GRIK1: variants seen among roughly 807,000 people sequenced by gnomAD.
GRIK1 encodes glutamate ionotropic receptor kainate type subunit 1.
GRIK1 carries 69 observed loss-of-function variants against 105.7 expected under a neutral mutation model. The observed-to-expected ratio is 0.65, with a 90% CI of 0.54 to 0.80. The LOEUF (loss-of-function observed/expected upper bound fraction) is 0.80. GRIK1 is among the 30% of genes least tolerant of loss of function. GRIK1 has a pLI of 0.00. For missense variants in GRIK1, 1,109 were observed against 1,167.3 expected (o/e 0.95, Z 0.73); for synonymous variants, 438 against 431.3 (o/e 1.02, Z -0.19).
intron 1 of GRIK1, among the ~76,000 whole-genome samples, chr21:29,900,077 C>A: frequency 1.1e-5 from 1 of 91,582 alleles, no homozygotes; most frequent in Non-Finnish European, 2.1e-5. Flanking sequence ...TTATGAGACT[C>A]TGTCTCAAAA....
At chr21:29,872,189 CTTCT>C (rs2069038479) in intron 1 of GRIK1, among the ~76,000 whole-genome samples, 1 of 136,868 alleles carries the variant, frequency 7.3e-6, no homozygotes, top group Non-Finnish European at 1.6e-5. Context: ...CACGCTCTCA[CTTCT>C]TTTTTTTTTT....
At chr21:29,853,701 G>A (rs935749737) in intron 1 of GRIK1, among the ~76,000 whole-genome samples, 4 of 152,150 alleles carry the variant, frequency 2.6e-5, no homozygotes, top group Admixed American at 2.0e-4. Flanking sequence ...CTCTTCAGGA[G>A]CATTCACCAA....
chr21:29,567,590 T>C (rs1601137924), intron 14 of GRIK1, among the ~76,000 whole-genome samples: 1 of 152,276 alleles, frequency 6.6e-6, no homozygotes, highest in African/African-American at 2.4e-5. Flanking sequence ...AATATATGCA[T>C]ATAGAACAAA....
rs138645497 is a variant in GRIK1 at position 29,669,207 on chromosome 21, T to C, written c.726+3776A>G. On this transcript the variant is annotated intron_variant, in intron 4 of 17. Coordinates refer to ENST00000327783, the MANE Select transcript of GRIK1 (RefSeq NM_001330994.2). ...TAATTAGCATGCCCAAGAATAACTATAGACTTTTCCCCAATTTTTGCTTTT... is the reference window on the plus strand; with the variant it reads ...TAATTAGCATGCCCAAGAATAACTACAGACTTTTCCCCAATTTTTGCTTTT... Among the ~76,000 whole-genome samples, 1,051 of 152,324 alleles carry C rather than the reference T, an allele frequency of 6.9e-3. 11 individuals carry two copies. Among genetic ancestry groups the C allele is most frequent in the African/African-American group, 0.024 (979 of 41,568 alleles).
At chr21:29,719,893 C>T (rs923047356) in intron 1 of GRIK1, among the ~76,000 whole-genome samples, 3 of 152,194 alleles carry the variant, frequency 2.0e-5, no homozygotes, top group Admixed American at 6.5e-5. Context: ...TCTTGATTCA[C>T]TTACATAATA....
chr21:29,651,577 CAG>C (rs1184889815), intron 5 of GRIK1, among the ~76,000 whole-genome samples: 1 of 152,030 alleles, frequency 6.6e-6, no homozygotes, highest in East Asian at 1.9e-4. Context: ...ATTATTTGTC[CAG>C]AGTCTCCATA....
chr21:29,684,058 G>A (rs1054513685), intron 3 of GRIK1, among the ~76,000 whole-genome samples: 1 of 152,090 alleles, frequency 6.6e-6, no homozygotes, highest in African/African-American at 2.4e-5. Flanking sequence ...TCGGTCTCCC[G>A]AATACTGTTT....
intron 1 of GRIK1, among the ~76,000 whole-genome samples, chr21:29,806,937 C>T (rs571001036): frequency 6.6e-6 from 1 of 152,268 alleles, no homozygotes; most frequent in East Asian, 1.9e-4. Context: ...CCAATGAAAG[C>T]AAATGTGTTT....
chr21:29,745,997 G>A (rs944461904), intron 1 of GRIK1, among the ~76,000 whole-genome samples: 7 of 152,054 alleles, frequency 4.6e-5, no homozygotes, highest in Non-Finnish European at 7.4e-5. Context: ...CCAGCTACTC[G>A]GGAGGCTGAG....
intron 1 of GRIK1, among the ~76,000 whole-genome samples, chr21:29,817,125 A>G (rs903122289): frequency 1.3e-5 from 2 of 152,116 alleles, no homozygotes; most frequent in African/African-American, 4.8e-5. Flanking sequence ...AGAAATGCTC[A>G]AAGAAGAATG....
At chr21:29,674,273 A>G (rs760348534) in intron 3 of GRIK1, among the ~76,000 whole-genome samples, 1 of 138,542 alleles carries the variant, frequency 7.2e-6, no homozygotes, top group Non-Finnish European at 1.5e-5. Flanking sequence ...TTTTTTTTTT[A>G]CCAGAAGTTA....
rs140298256 is a variant in GRIK1, at chr21:29,561,733, C to T, written c.2247G>A (p.Ala749=). Residue 749 remains alanine (A), a synonymous_variant, in exon 15 of 18, where the codon GCG becomes GCA. Coordinates refer to ENST00000327783, the MANE Select transcript of GRIK1 (RefSeq NM_001330994.2). ...CAATGCTGGTGGACTCCATCAGCAG[C>T]GCGTAGTCTGTGGTGAGCACTCTCT... ...GIQRVLTTDY[A]LLMESTSIEY... is the part of the protein sequence containing the mutation. 1.1e-5 allele frequency: 17 copies of T among 1,613,306 alleles called. No homozygotes were observed. Among genetic ancestry groups the T allele is most frequent in the South Asian group, 5.5e-5 (5 of 91,066 alleles).
rs564057352 is a variant in GRIK1, at chr21:29,646,957, T to G, written c.955-3988A>C. Among the ~76,000 whole-genome samples the G allele has an allele frequency of 1.7e-4, 26 of 152,262 alleles. No individual in the cohort carries two copies. In the East Asian group the frequency reaches 2.3e-3, roughly 14 times the overall value. On this transcript the variant is annotated intron_variant, in intron 6 of 17. Transcript: ENST00000327783. ...GCCTCCCTGGTTCAAGCGATTCTCC[T>G]GCTTCAGCCTCCTGAGTAGCTGGGA... is the stretch of plus-strand genomic sequence containing the variant.
intron 1 of GRIK1, among the ~76,000 whole-genome samples, chr21:29,849,674 T>C (rs2068244323): frequency 6.6e-6 from 1 of 152,228 alleles, no homozygotes; most frequent in Non-Finnish European, 1.5e-5. Context: ...TTCTCTCTGC[T>C]TAACTCCTTG....
intron 1 of GRIK1, among the ~76,000 whole-genome samples, chr21:29,786,105 C>T (rs1156303448): frequency 1.3e-5 from 2 of 152,238 alleles, no homozygotes; most frequent in South Asian, 2.1e-4. Context: ...TCTCTTGTCT[C>T]AGCCTCCGGA....
At chr21:29,903,395 C>T (rs561944164) in intron 1 of GRIK1, among the ~76,000 whole-genome samples, 163 of 152,116 alleles carry the variant, frequency 1.1e-3, no homozygotes, top group African/African-American at 3.6e-3. Flanking sequence ...TGACAAAGGG[C>T]TAATATCCAG....
intron 1 of GRIK1, among the ~76,000 whole-genome samples, chr21:29,920,647 C>T (rs2071161483): frequency 6.6e-6 from 1 of 152,062 alleles, no homozygotes; most frequent in Non-Finnish European, 1.5e-5. Context: ...TCCATGAAAA[C>T]AGACAGTCTA....
chr21:29,557,684 T>A (rs1024071205), intron 15 of GRIK1, among the ~76,000 whole-genome samples: 1 of 152,142 alleles, frequency 6.6e-6, no homozygotes, highest in African/African-American at 2.4e-5. Context: ...TATGAATTTT[T>A]GGTGAAAAAA....
chr21:29,827,054 T>TA (rs986854189), intron 1 of GRIK1, among the ~76,000 whole-genome samples: 6 of 152,100 alleles, frequency 3.9e-5, no homozygotes, highest in Non-Finnish European at 5.9e-5. Flanking sequence ...ATCATGAGGC[T>TA]AAAAAATCAC....
Sources: allele counts gnomAD v4.1 joint callset (sites outside exome capture counted in the v4.1 genomes callset), GRCh38; gene constraint gnomAD v4.1.1; transcripts MANE v1.5; gene names NCBI Gene and HGNC (gene_info 2026-07-23, HGNC 2026-07-21).